The following SLC25A31 variants were observed in gnomAD, a reference collection of about 807,000 sequenced individuals.
The protein encoded by SLC25A31 is ADP/ATP translocase 4.
Under a neutral mutation model 36.2 loss-of-function variants are expected in SLC25A31, and 40 were observed. The ratio of observed to expected loss-of-function variants is 1.10; its 90% CI spans 0.86 to 1.44. The LOEUF (loss-of-function observed/expected upper bound fraction) is 1.44, where lower values mean the gene tolerates loss of function less well. Ranked by LOEUF, SLC25A31 falls within the 40% of genes most tolerant of loss-of-function variation. SLC25A31 has a pLI of 0.00. For synonymous variants in SLC25A31, 143 were observed against 149.7 expected (o/e 0.96, Z 0.32); for missense variants, 350 against 397.1 (o/e 0.88, Z 1.01).
intron 2 of SLC25A31, among the ~76,000 whole-genome samples, chr4:127,754,508 A>G (rs942520573): frequency 2.7e-5 from 4 of 150,148 alleles, no homozygotes; most frequent in Admixed American, 6.8e-5. Context: ...TCTTTTAACA[A>G]GAAATAAGAA....
intron 5 of SLC25A31, among the ~76,000 whole-genome samples, chr4:127,772,992 A>G (rs985322336): frequency 6.6e-6 from 1 of 152,062 alleles, no homozygotes; most frequent in Admixed American, 6.6e-5. Context: ...CATATTGCCC[A>G]GGGTGGTCTC....
At chr4:127,735,454 ATTGT>A (rs1731606116) in intron 1 of SLC25A31, among the ~76,000 whole-genome samples, 2 of 152,026 alleles carry the variant, frequency 1.3e-5, no homozygotes, top group East Asian at 3.9e-4. Flanking sequence ...ATCTTCATAT[ATTGT>A]TTTTTTGTTT....
chr4:127,745,982 A>G (rs910127419), intron 2 of SLC25A31, among the ~76,000 whole-genome samples: 4 of 151,916 alleles, frequency 2.6e-5, no homozygotes, highest in Non-Finnish European at 5.9e-5. Flanking sequence ...AGTAGATCCC[A>G]ATGTCTGTTT....
At chr4:127,750,733 A>G (rs766352651) in intron 2 of SLC25A31, among the ~76,000 whole-genome samples, 73 of 152,048 alleles carry the variant, frequency 4.8e-4, no homozygotes, top group Non-Finnish European at 1.9e-4. Flanking sequence ...CATGATAACC[A>G]TAAAGTTAAA....
intron 5 of SLC25A31, among the ~76,000 whole-genome samples, chr4:127,772,022 T>C (rs1214540137): frequency 6.6e-6 from 1 of 152,218 alleles, no homozygotes; most frequent in East Asian, 1.9e-4. Context: ...TTAATGACAC[T>C]GGCTTGTATT....
At chr4:127,735,884 A>ATT (rs1168050637) in intron 1 of SLC25A31, among the ~76,000 whole-genome samples, 3 of 64,062 alleles carry the variant, frequency 4.7e-5, no homozygotes, top group African/African-American at 5.9e-5. Context: ...TTATTTATTT[A>ATT]TTTATTTATT....
intron 2 of SLC25A31, among the ~76,000 whole-genome samples, chr4:127,761,167 G>T (rs944730900): frequency 2.0e-5 from 3 of 151,844 alleles, no homozygotes; most frequent in Non-Finnish European, 4.4e-5. Context: ...TACATAGATC[G>T]GCCATACCGT....
chr4:127,760,351 T>C (rs1560638133), intron 2 of SLC25A31, among the ~76,000 whole-genome samples: 1 of 152,352 alleles, frequency 6.6e-6, no homozygotes, highest in East Asian at 1.9e-4. Flanking sequence ...TTGAGGTAAT[T>C]ATTTTTACCC....
intron 2 of SLC25A31, among the ~76,000 whole-genome samples, chr4:127,756,821 T>C (rs1024233500): frequency 6.6e-5 from 10 of 152,076 alleles, no homozygotes; most frequent in Non-Finnish European, 1.2e-4. Flanking sequence ...TAACACCAAA[T>C]TGGACAGTGC....
chr4:127,737,632 G>C (rs556055907), intron 1 of SLC25A31, among the ~76,000 whole-genome samples: 1 of 151,634 alleles, frequency 6.6e-6, no homozygotes, highest in African/African-American at 2.4e-5. Context: ...TGACTTAACT[G>C]CAGCCTGGAG....
At chr4:127,753,365 A>G (rs1281913935) in intron 2 of SLC25A31, among the ~76,000 whole-genome samples, 1 of 152,216 alleles carries the variant, frequency 6.6e-6, no homozygotes. Flanking sequence ...GACTAGAGAT[A>G]AAAGATTTTT....
chr4:127,759,766 C>T (rs1293142854), intron 2 of SLC25A31, among the ~76,000 whole-genome samples: 1 of 152,134 alleles, frequency 6.6e-6, no homozygotes, highest in Non-Finnish European at 1.5e-5. Context: ...TGCAAACATA[C>T]TTAATGCCAT....
chr4:127,771,632 G>A (rs983593642), intron 5 of SLC25A31, among the ~76,000 whole-genome samples: 8 of 151,918 alleles, frequency 5.3e-5, no homozygotes, highest in South Asian at 2.1e-4. Context: ...CTGAGACCCC[G>A]GATTCAGTGT....
intron 5 of SLC25A31, among the ~76,000 whole-genome samples, chr4:127,769,245 T>A (rs1469249784): frequency 6.6e-6 from 1 of 152,216 alleles, no homozygotes; most frequent in Non-Finnish European, 1.5e-5. Context: ...TGTAATATAT[T>A]TTTAAGAAAG....
At chr4:127,770,949 CTTTTTTTTTTTTTTTTT>C in intron 5 of SLC25A31, among the ~76,000 whole-genome samples, 1 of 80,812 alleles carries the variant, frequency 1.2e-5, no homozygotes, top group East Asian at 3.5e-4. Context: ...TCTTCTTCTT[CTTTTTTTTTTTTTTTTT>C]TTTTTTTGGA....
intron 5 of SLC25A31, among the ~76,000 whole-genome samples, chr4:127,769,777 C>G (rs1294721440): frequency 6.6e-6 from 1 of 152,136 alleles, no homozygotes; most frequent in Non-Finnish European, 1.5e-5. Flanking sequence ...ACGTGGTCTC[C>G]TAGAGAGCTA....
intron 2 of SLC25A31, among the ~76,000 whole-genome samples, chr4:127,751,178 C>G (rs1731924324): frequency 1.3e-5 from 2 of 152,174 alleles, no homozygotes; most frequent in Admixed American, 1.3e-4. Context: ...AACTATACTA[C>G]AAGGCTACAG....
In SLC25A31 at chr4:127,773,697, A is replaced by G. The variant is rs913599881; in HGVS notation, c.*123A>G. On this transcript the variant is annotated 3_prime_UTR_variant, in exon 6 of 6. Coordinates refer to ENST00000281154, the MANE Select transcript of SLC25A31 (RefSeq NM_031291.4). The stretch of plus-strand genomic sequence containing the variant: ...ATTTTGTTAAAGTGCTAGTTCTGCA[A>G]TAAAGCATACATTTTTTCAAGAATT... The G allele has an allele frequency of 1.4e-6, 1 of 705,596 alleles. No individual in the cohort carries two copies. Among genetic ancestry groups the G allele is most frequent in the East Asian group, 3.2e-5 (1 of 31,698 alleles). The allele number at this position is 705,596 out of a possible 1,614,324, so 43.7% of individuals were successfully genotyped here.
chr4:127,753,480 G>A (rs980480387), intron 2 of SLC25A31, among the ~76,000 whole-genome samples: 10 of 152,112 alleles, frequency 6.6e-5, no homozygotes, highest in African/African-American at 2.4e-4. Flanking sequence ...AGGAGACATT[G>A]TAGCTGAAAC....
Sources: allele counts gnomAD v4.1 joint callset (sites outside exome capture counted in the v4.1 genomes callset), GRCh38; gene constraint gnomAD v4.1.1; transcripts MANE v1.5; gene names NCBI Gene and HGNC (gene_info 2026-07-23, HGNC 2026-07-21).